UBE2L3: variants seen among roughly 807,000 people sequenced by gnomAD.
UBE2L3 encodes ubiquitin-conjugating enzyme E2 L3.
UBE2L3 carries 1 observed loss-of-function variant against 17.8 expected under a neutral mutation model. The ratio of observed to expected loss-of-function variants is 0.06; its 90% CI spans 0.02 to 0.27. The LOEUF (loss-of-function observed/expected upper bound fraction) is 0.27, where lower values mean the gene tolerates loss of function less well. Among genes scored for constraint, UBE2L3 ranks in the 10% least tolerant of loss-of-function variants. UBE2L3 has a pLI of 1.00. For synonymous variants in UBE2L3, 44 were observed against 68.5 expected (o/e 0.64, Z 1.76); for missense variants, 40 against 192.6 (o/e 0.21, Z 4.69).
intron 2 of UBE2L3, among the ~76,000 whole-genome samples, chr22:21,596,993 T>G (rs1928561987): frequency 6.6e-6 from 1 of 152,156 alleles, no homozygotes; most frequent in South Asian, 2.1e-4. Context: ...TTTTGTTTCT[T>G]TTTGAGACAG....
In UBE2L3 at chr22:21,568,084, C is replaced by T. The variant is rs553941935; in HGVS notation, c.27+313C>T. The stretch of plus-strand genomic sequence containing the variant: ...AGGCCGCGGTCCGATCTGAGGGCGT[C>T]GTTAATGTGAGAGCCCGGTTGGGAG... On this transcript the variant is annotated intron_variant, in intron 1 of 3. Transcript: ENST00000342192. The T allele has an allele frequency of 8.6e-5, 102 of 1,187,594 alleles. No individual in the cohort carries two copies. The African/African-American group carries it at 1.2e-3, about 13-fold the overall frequency. The allele number at this position is 1,187,594 out of a possible 1,614,324, so 73.6% of individuals were successfully genotyped here. A position where few individuals can be genotyped will look rare whatever the true frequency, so the allele number is the denominator to read the frequency against.
chr22:21,561,031 A>T (rs1363013689), intron 1 of UBE2L3, among the ~76,000 whole-genome samples: 3 of 152,236 alleles, frequency 2.0e-5, no homozygotes, highest in Non-Finnish European at 4.4e-5. Flanking sequence ...GAGGATAGAA[A>T]GGAAGGAAGG....
At chr22:21,561,041 G>A (rs1926413436) in intron 1 of UBE2L3, among the ~76,000 whole-genome samples, 1 of 152,240 alleles carries the variant, frequency 6.6e-6, no homozygotes, top group African/African-American at 2.4e-5. Context: ...AGGAAGGAAG[G>A]TGGGAGGGAG....
chr22:21,577,366 A>G (rs1225095295), intron 1 of UBE2L3, among the ~76,000 whole-genome samples: 1 of 152,124 alleles, frequency 6.6e-6, no homozygotes. Context: ...CAGCCTCCCA[A>G]ATAGCTGGGA....
chr22:21,559,278 G>A (rs1926346067), intron 1 of UBE2L3, among the ~76,000 whole-genome samples: 1 of 151,920 alleles, frequency 6.6e-6, no homozygotes, highest in African/African-American at 2.4e-5. Flanking sequence ...AACCTAGGAA[G>A]TGGAGGTTAC....
At chr22:21,606,045 T>C (rs981359643) in intron 2 of UBE2L3, among the ~76,000 whole-genome samples, 1 of 152,224 alleles carries the variant, frequency 6.6e-6, no homozygotes, top group Admixed American at 6.5e-5. Flanking sequence ...TCATAAACTC[T>C]GGGTACAGGC....
At chr22:21,612,638 C>CTTTTTTTTTTTT (rs1568987475) in intron 3 of UBE2L3, among the ~76,000 whole-genome samples, 1 of 60,498 alleles carries the variant, frequency 1.7e-5, no homozygotes, top group African/African-American at 5.7e-5. Context: ...TTTTTCTTTT[C>CTTTTTTTTTTTT]TTTTCTTTTT....
intron 3 of UBE2L3, chr22:21,614,462 C>A: frequency 1.5e-6 from 1 of 680,800 alleles, no homozygotes; most frequent in Non-Finnish European, 2.3e-6. Flanking sequence ...AGGGAAAAAG[C>A]CACTTGTGCC....
chr22:21,616,308 G>C (rs967943806), intron 3 of UBE2L3, among the ~76,000 whole-genome samples: 1 of 152,186 alleles, frequency 6.6e-6, no homozygotes, highest in Non-Finnish European at 1.5e-5. Flanking sequence ...GGTCTAGGAG[G>C]AGGAGAATAG....
chr22:21,595,768 A>G (rs1479232325), intron 2 of UBE2L3, among the ~76,000 whole-genome samples: 2 of 152,136 alleles, frequency 1.3e-5, no homozygotes, highest in Non-Finnish European at 2.9e-5. Flanking sequence ...ACTGCCCTTT[A>G]GGAACTAGAG....
At chr22:21,592,777 G>A in intron 1 of UBE2L3, 84 bp from the exon 2 acceptor site, 2 of 1,123,426 alleles carry the variant, frequency 1.8e-6, no homozygotes, top group South Asian at 1.3e-5. Context: ...TTGGCACTTG[G>A]TTTAATTTGA....
chr22:21,608,446 TG>T (rs1929291858), intron 2 of UBE2L3, among the ~76,000 whole-genome samples: 5 of 152,120 alleles, frequency 3.3e-5, no homozygotes, highest in Non-Finnish European at 5.9e-5. Flanking sequence ...TTTTTTGAGA[TG>T]GAATCTTGCT....
chr22:21,616,245 G>T (rs551590931), intron 3 of UBE2L3, among the ~76,000 whole-genome samples: 1 of 152,316 alleles, frequency 6.6e-6, no homozygotes, highest in South Asian at 2.1e-4. Flanking sequence ...CTGTATATGG[G>T]ATGCTCAGAC....
intron 1 of UBE2L3, among the ~76,000 whole-genome samples, chr22:21,562,376 CTTTTTTTT>C (rs1211084908): frequency 8.1e-6 from 1 of 123,318 alleles, no homozygotes; most frequent in Admixed American, 8.1e-5. Flanking sequence ...TTCTTTTTTT[CTTTTTTTT>C]TTTTTGAGAC....
At chr22:21,576,801 C>CTTTTTTTTTT (rs757829734) in intron 1 of UBE2L3, among the ~76,000 whole-genome samples, 1 of 118,142 alleles carries the variant, frequency 8.5e-6, no homozygotes, top group East Asian at 2.6e-4. Flanking sequence ...CTTCTCTTTC[C>CTTTTTTTTTT]TTTTTTTTTT....
chr22:21,575,775 C>G (rs1435337295), intron 1 of UBE2L3, among the ~76,000 whole-genome samples: 1 of 149,494 alleles, frequency 6.7e-6, no homozygotes, highest in African/African-American at 2.5e-5. Flanking sequence ...TCCCGAGTAG[C>G]TGGAACTACA....
At chr22:21,579,244 G>A (rs1181814343) in intron 1 of UBE2L3, among the ~76,000 whole-genome samples, 1 of 151,866 alleles carries the variant, frequency 6.6e-6, no homozygotes, top group East Asian at 1.9e-4. Flanking sequence ...CACCTGCCTC[G>A]GCCTCCCAAA....
At chr22:21,619,208 G>C (rs1467275360) in intron 3 of UBE2L3, among the ~76,000 whole-genome samples, 1 of 152,134 alleles carries the variant, frequency 6.6e-6, no homozygotes, top group African/African-American at 2.4e-5. Context: ...TGGCCAGTCA[G>C]CCAAGGGTGG....
intron 3 of UBE2L3, among the ~76,000 whole-genome samples, chr22:21,618,021 A>G (rs1052992012): frequency 7.9e-5 from 12 of 151,988 alleles, no homozygotes; most frequent in Middle Eastern, 3.4e-3. Flanking sequence ...CTTTACTAAA[A>G]TTACAAAGAA....
Sources: allele counts gnomAD v4.1 joint callset (sites outside exome capture counted in the v4.1 genomes callset), GRCh38; gene constraint gnomAD v4.1.1; transcripts MANE v1.5; gene names NCBI Gene and HGNC (gene_info 2026-07-23, HGNC 2026-07-21).